Variants in EYS observed in about 807,000 individuals in gnomAD.
EYS encodes the protein EGF-like photoreceptor maintenance factor.
A neutral mutation model predicts 282.1 loss-of-function variants in EYS; 250 were observed. That is an observed-to-expected ratio of 0.89 (90% CI 0.80 to 0.98). The LOEUF (loss-of-function observed/expected upper bound fraction) is 0.98, where lower values mean the gene tolerates loss of function less well. EYS is among the 50% of genes least tolerant of loss of function. EYS has a pLI of 0.00. For missense variants in EYS, 4,016 were observed against 3,709.0 expected (o/e 1.08, Z -2.15); for synonymous variants, 1,355 against 1,282.9 (o/e 1.06, Z -1.20).
intron 18 of EYS, among the ~76,000 whole-genome samples, chr6:64,897,689 A>C (rs1426652533): frequency 1.3e-5 from 2 of 152,214 alleles, no homozygotes; most frequent in African/African-American, 4.8e-5. Context: ...ACCCAATGCA[A>C]GGAAGCTAAG....
intron 2 of EYS, among the ~76,000 whole-genome samples, chr6:65,542,602 G>A (rs995161617): frequency 6.6e-6 from 1 of 151,646 alleles, no homozygotes; most frequent in African/African-American, 2.4e-5. Context: ...AGCAACCTCG[G>A]TCATATTCCA....
At chr6:64,859,648 T>C (rs1169136099) in intron 19 of EYS, among the ~76,000 whole-genome samples, 1 of 152,188 alleles carries the variant, frequency 6.6e-6, no homozygotes, top group Non-Finnish European at 1.5e-5. Flanking sequence ...ACAACCTCTC[T>C]TCTCTTGTCT....
chr6:64,302,211 T>A (rs1180370964), intron 30 of EYS, among the ~76,000 whole-genome samples: 1 of 152,154 alleles, frequency 6.6e-6, no homozygotes. Flanking sequence ...ACATCAATTC[T>A]TCCACCAAAA....
intron 10 of EYS, among the ~76,000 whole-genome samples, chr6:65,340,880 G>A (rs1161005337): frequency 6.6e-6 from 1 of 150,986 alleles, no homozygotes; most frequent in African/African-American, 2.4e-5. Flanking sequence ...TCACTCTCAA[G>A]GCTGGATAGC....
chr6:64,050,977 T>G (rs545892724), intron 33 of EYS, among the ~76,000 whole-genome samples: 1 of 152,324 alleles, frequency 6.6e-6, no homozygotes, highest in South Asian at 2.1e-4. Flanking sequence ...ACTTTTGTTA[T>G]GCATTTTTAT....
intron 8 of EYS, among the ~76,000 whole-genome samples, chr6:65,358,284 C>T (rs1438521682): frequency 6.6e-6 from 1 of 151,786 alleles, no homozygotes; most frequent in African/African-American, 2.4e-5. Context: ...GAATTTATAT[C>T]AAAATTTATA....
chr6:64,296,598 ATTTTT>A (rs1173183488), intron 30 of EYS, among the ~76,000 whole-genome samples: 5 of 20,124 alleles, frequency 2.5e-4, no homozygotes, highest in Admixed American at 7.8e-4. Flanking sequence ...ATATATATAT[ATTTTT>A]TTTTTTTTTT....
Position 63,764,142 on chromosome 6 carries a change from G to A in EYS, c.7899-1509C>T, listed in dbSNP as rs868346670. ...AAACCACCGTGCCAGTCTAAAAAGC[G>A]CATTCTAGAATGGGTATGAGGTATA... On this transcript the variant is annotated intron_variant, in intron 40 of 42. Transcript: ENST00000503581. 3.3e-5 allele frequency among the ~76,000 whole-genome samples: 5 copies of A among 151,758 alleles called. No individual in the cohort carries two copies. The South Asian group carries it at 6.2e-4, about 19-fold the overall frequency.
At chr6:63,892,807 G>C (rs962172250) in intron 35 of EYS, among the ~76,000 whole-genome samples, 4 of 152,112 alleles carry the variant, frequency 2.6e-5, no homozygotes, top group Non-Finnish European at 4.4e-5. Context: ...TACAGAATGA[G>C]AGAAAAATTT....
At chr6:63,880,626 C>G (rs1480635640) in intron 35 of EYS, among the ~76,000 whole-genome samples, 1 of 152,152 alleles carries the variant, frequency 6.6e-6, no homozygotes, top group Non-Finnish European at 1.5e-5. Flanking sequence ...TAACTGAAAA[C>G]AGTTTTCCTG....
intron 26 of EYS, among the ~76,000 whole-genome samples, chr6:64,556,198 T>A (rs532508295): frequency 6.6e-6 from 1 of 152,176 alleles, no homozygotes; most frequent in South Asian, 2.1e-4. Flanking sequence ...TTTATAGCAA[T>A]GTTATTCAAA....
chr6:64,779,136 C>G (rs563418924), intron 22 of EYS, among the ~76,000 whole-genome samples: 2 of 152,198 alleles, frequency 1.3e-5, no homozygotes, highest in African/African-American at 4.8e-5. Flanking sequence ...CAATTACACT[C>G]TTTGGAATTT....
intron 31 of EYS, among the ~76,000 whole-genome samples, chr6:64,188,608 T>C (rs1393502190): frequency 6.6e-6 from 1 of 152,154 alleles, no homozygotes; most frequent in Non-Finnish European, 1.5e-5. Flanking sequence ...TCGGATAATT[T>C]AGCTGACATG....
chr6:63,989,524 T>C lies in EYS; in HGVS notation c.6835-4921A>G, dbSNP rs372084287. 5.9e-5 allele frequency among the ~76,000 whole-genome samples: 9 copies of C among 151,840 alleles called. No homozygotes were observed. In the South Asian group the frequency reaches 1.9e-3, roughly 31 times the overall value. ...TACTTTTCCCTAAAGTATAATAATC[T>C]GTGAGCATATGATATCTTCTATGTT... is the stretch of plus-strand genomic sequence containing the variant. On this transcript the variant is annotated intron_variant, in intron 34 of 42. Coordinates refer to ENST00000503581, the MANE Select transcript of EYS (RefSeq NM_001142800.2).
intron 22 of EYS, among the ~76,000 whole-genome samples, chr6:64,763,537 A>G (rs148029165): frequency 6.6e-6 from 1 of 152,088 alleles, no homozygotes; most frequent in African/African-American, 2.4e-5. Flanking sequence ...AAAAATCCCA[A>G]CTGGAGTTGA....
chr6:63,945,376 C>T (rs1210402034), intron 35 of EYS, among the ~76,000 whole-genome samples: 1 of 152,076 alleles, frequency 6.6e-6, no homozygotes, highest in African/African-American at 2.4e-5. Context: ...TCCCGCCGGT[C>T]CCCTCCCACA....
At chr6:64,764,714 T>G (rs944983278) in intron 22 of EYS, among the ~76,000 whole-genome samples, 11 of 152,336 alleles carry the variant, frequency 7.2e-5, no homozygotes, top group African/African-American at 2.6e-4. Flanking sequence ...TTCCAAACTT[T>G]TATGCACTGT....
At chr6:64,887,154 A>T (rs920353217) in intron 18 of EYS, among the ~76,000 whole-genome samples, 6 of 151,778 alleles carry the variant, frequency 4.0e-5, no homozygotes, top group Admixed American at 2.6e-4. Context: ...GCTGGAAACC[A>T]TCATTCTCAG....
At chr6:64,151,229 G>T (rs184565416) in intron 31 of EYS, among the ~76,000 whole-genome samples, 1 of 146,214 alleles carries the variant, frequency 6.8e-6, no homozygotes, top group Non-Finnish European at 1.5e-5. Flanking sequence ...TTTAAAGAAT[G>T]TTTGTTAAAG....
Sources: allele counts gnomAD v4.1 joint callset (sites outside exome capture counted in the v4.1 genomes callset), GRCh38; gene constraint gnomAD v4.1.1; transcripts MANE v1.5; gene names NCBI Gene and HGNC (gene_info 2026-07-23, HGNC 2026-07-21).